SNTG2: variants seen among roughly 807,000 people sequenced by gnomAD.
SNTG2 encodes the protein syntrophin gamma 2, also known as gamma-2-syntrophin.
A neutral mutation model predicts 70.9 loss-of-function variants in SNTG2; 74 were observed. The observed-to-expected ratio is 1.04, with a 90% CI of 0.86 to 1.27. The LOEUF is 1.27. Ranked by LOEUF, SNTG2 falls within the 50% of genes most tolerant of loss-of-function variation. The pLI is 0.00. For missense variants in SNTG2, 717 were observed against 690.7 expected, an observed-to-expected ratio of 1.04 and a Z score of -0.43; for synonymous variants, 278 against 273.8, an observed-to-expected ratio of 1.02 and a Z score of -0.15.
intron 9 of SNTG2, among the ~76,000 whole-genome samples, chr2:1,219,624 T>C (rs1275173543): frequency 6.6e-6 from 1 of 151,168 alleles, no homozygotes; most frequent in African/African-American, 2.4e-5. Context: ...TAGGCAGGCC[T>C]CAAATTGATT....
intron 14 of SNTG2, among the ~76,000 whole-genome samples, chr2:1,279,548 T>C (rs1679431016): frequency 6.6e-6 from 1 of 152,220 alleles, no homozygotes; most frequent in Non-Finnish European, 1.5e-5. Context: ...GCTGTTTTGG[T>C]CTTTCTGAAG....
At chr2:1,103,407 G>A in intron 4 of SNTG2, 1 of 262,064 alleles carries the variant, frequency 3.8e-6, no homozygotes, top group Non-Finnish European at 7.4e-6. Flanking sequence ...TTTTTTAGAT[G>A]GAGTCTTGCT....
intron 9 of SNTG2, among the ~76,000 whole-genome samples, chr2:1,218,084 C>T (rs1254391736): frequency 6.6e-6 from 1 of 152,044 alleles, no homozygotes; most frequent in Non-Finnish European, 1.5e-5. Flanking sequence ...GGCTGCTCTC[C>T]ACCACCAGAG....
chr2:1,005,987 A>G (rs1659559803), intron 1 of SNTG2, among the ~76,000 whole-genome samples: 1 of 151,164 alleles, frequency 6.6e-6, no homozygotes, highest in African/African-American at 2.4e-5. Context: ...AATTAGCAAT[A>G]TAGTCTTCAG....
At chr2:1,077,943 C>T (rs745867647) in intron 1 of SNTG2, among the ~76,000 whole-genome samples, 6 of 152,150 alleles carry the variant, frequency 3.9e-5, no homozygotes, top group South Asian at 2.1e-4. Context: ...CGCGGGTTCA[C>T]GGCCCTCACT....
chr2:1,152,917 A>G (rs957080573), intron 6 of SNTG2, among the ~76,000 whole-genome samples: 1 of 152,166 alleles, frequency 6.6e-6, no homozygotes, highest in Non-Finnish European at 1.5e-5. Flanking sequence ...TGAGGTCAGG[A>G]GTTCGAGACC....
chr2:1,273,071 G>A (rs549017801), intron 14 of SNTG2, among the ~76,000 whole-genome samples: 1 of 152,178 alleles, frequency 6.6e-6, no homozygotes, highest in Admixed American at 6.5e-5. Context: ...ACGGTGCTCC[G>A]TGGATTTTCC....
chr2:1,184,507 T>C (rs929609216), intron 8 of SNTG2, among the ~76,000 whole-genome samples: 1 of 152,168 alleles, frequency 6.6e-6, no homozygotes, highest in Non-Finnish European at 1.5e-5. Flanking sequence ...TTTAATTGGC[T>C]CATATTTCCA....
chr2:1,346,650 G>A (rs766266178), intron 16 of SNTG2: 1 of 152,232 alleles, frequency 6.6e-6, no homozygotes, highest in Non-Finnish European at 1.5e-5. Flanking sequence ...CAGAGTGACT[G>A]CGACCTGGGG....
chr2:1,316,464 C>G (rs1291477197), intron 16 of SNTG2, 89 bp downstream of exon 16: 2 of 495,962 alleles, frequency 4.0e-6, no homozygotes, highest in Non-Finnish European at 7.0e-6. Context: ...TCCACCCCTC[C>G]CATGCACACA....
chr2:1,298,158 A>T (rs1458531032), intron 14 of SNTG2, among the ~76,000 whole-genome samples: 1 of 152,038 alleles, frequency 6.6e-6, no homozygotes, highest in Non-Finnish European at 1.5e-5. Context: ...TTTGAGACAG[A>T]GTCTACCTCT....
intron 15 of SNTG2, among the ~76,000 whole-genome samples, chr2:1,312,486 C>T (rs1681049322): frequency 6.6e-6 from 1 of 152,160 alleles, no homozygotes; most frequent in Admixed American, 6.5e-5. Flanking sequence ...CCTGGGTGGG[C>T]ACCAGGCAGC....
chr2:972,848 A>C (rs186750564), intron 1 of SNTG2, among the ~76,000 whole-genome samples: 2 of 152,134 alleles, frequency 1.3e-5, no homozygotes, highest in African/African-American at 2.4e-5. Context: ...AGAAGCCACT[A>C]TGCTTCCTGT....
At chr2:1,171,454 T>TA (rs1197359201) in intron 7 of SNTG2, among the ~76,000 whole-genome samples, 9 of 152,186 alleles carry the variant, frequency 5.9e-5, no homozygotes, top group African/African-American at 2.2e-4. Flanking sequence ...ATAAGGTGAT[T>TA]ACGGGTATAA....
In SNTG2 at chr2:1,122,469, A is replaced by G. The variant is rs188066945; in HGVS notation, c.326-15153A>G. On this transcript the variant is annotated intron_variant, in intron 4 of 16. Transcript: ENST00000308624. ...CAGTTTAACATTTTCAGATTAACCA[A>G]TGTGACACATCACATTAACAGACTG... Among the ~76,000 whole-genome samples the G allele has an allele frequency of 9.2e-5, 14 of 152,318 alleles. No individual in the cohort carries two copies. In the East Asian group the frequency reaches 2.1e-3, roughly 23 times the overall value.
chr2:965,175 A>C (rs1225706813), intron 1 of SNTG2, among the ~76,000 whole-genome samples: 1 of 98,774 alleles, frequency 1.0e-5, no homozygotes, highest in Non-Finnish European at 2.0e-5. Context: ...TTGGACCCCA[A>C]TCCTCCTCCT....
At chr2:998,916 C>T (rs1048752434) in intron 1 of SNTG2, among the ~76,000 whole-genome samples, 6 of 152,050 alleles carry the variant, frequency 3.9e-5, no homozygotes, top group Non-Finnish European at 8.8e-5. Context: ...AAAGGAGAGT[C>T]CATCAAATTT....
intron 7 of SNTG2, among the ~76,000 whole-genome samples, chr2:1,168,347 G>A (rs1160933727): frequency 6.6e-6 from 1 of 152,094 alleles, no homozygotes. Flanking sequence ...AACTAACAGA[G>A]CGCCCTGGAA....
rs958782879 is a variant in SNTG2 at position 1,123,849 on chromosome 2, T to C, written c.326-13773T>C. Among the ~76,000 whole-genome samples the C allele has an allele frequency of 4.8e-5, 6 of 125,310 alleles. No individual in the cohort carries two copies. In the East Asian group the frequency reaches 7.6e-4, roughly 16 times the overall value. The allele number at this position is 125,310 out of a possible 152,430, so 82.2% of individuals were successfully genotyped here. A position where few individuals can be genotyped will look rare whatever the true frequency, so the allele number is the denominator to read the frequency against. ...AATTCATTCAGGTTAATAGAACAAG[T>C]AAACCAATTAAAAATGGGCAAGGCA... is the stretch of plus-strand genomic sequence containing the variant. On this transcript the variant is annotated intron_variant, in intron 4 of 16. Coordinates refer to ENST00000308624, the MANE Select transcript of SNTG2 (RefSeq NM_018968.4).
Sources: gnomAD v4.1 joint callset for allele counts (sites outside exome capture counted in the v4.1 genomes callset) on GRCh38, gnomAD v4.1.1 for gene constraint, MANE v1.5 for transcripts, NCBI Gene and HGNC (gene_info 2026-07-23, HGNC 2026-07-21) for gene names.